VPS13D: variants seen among roughly 807,000 people sequenced by gnomAD.
VPS13D encodes intermembrane lipid transfer protein VPS13D.
VPS13D carries 187 observed loss-of-function variants against 461.9 expected under a neutral mutation model. The observed-to-expected ratio is 0.40, with a 90% CI of 0.36 to 0.46. The LOEUF is 0.46. VPS13D is among the 20% of genes least tolerant of loss of function. VPS13D has a pLI of 0.60. For missense variants in VPS13D, 4,711 were observed against 5,364.9 expected, an observed-to-expected ratio of 0.88 and a Z score of 3.81; for synonymous variants, 1,951 against 1,986.3, an observed-to-expected ratio of 0.98 and a Z score of 0.47.
At chr1:12,240,472 A>G (rs1453291851) in intron 2 of VPS13D, among the ~76,000 whole-genome samples, 1 of 151,670 alleles carries the variant, frequency 6.6e-6, no homozygotes, top group Non-Finnish European at 1.5e-5. Flanking sequence ...GCGGGCACCT[A>G]TAGTCCCAGC....
At chr1:12,352,664 C>T (rs1196118286) in intron 46 of VPS13D, among the ~76,000 whole-genome samples, 1 of 152,042 alleles carries the variant, frequency 6.6e-6, no homozygotes, top group Non-Finnish European at 1.5e-5. Flanking sequence ...GTGGCAATTT[C>T]TTATAAAAGT....
chr1:12,309,483 G>C (rs562690993), intron 27 of VPS13D, among the ~76,000 whole-genome samples: 2 of 151,028 alleles, frequency 1.3e-5, no homozygotes, highest in Non-Finnish European at 3.0e-5. Context: ...TTGGCATATG[G>C]ACATGGTGGC....
chr1:12,346,590 T>C lies in VPS13D; in HGVS notation c.9022-15T>C, dbSNP rs1398968452. 1 of 1,612,690 alleles carries C rather than the reference T, an allele frequency of 6.2e-7. No homozygotes were observed. Among genetic ancestry groups the C allele is most frequent in the Non-Finnish European group, 8.5e-7 (1 of 1,179,604 alleles). ...TTAAGTCTGTGCTGACTCTAACTTT[T>C]GAAATCTTTTTCAGATTGGCAGCCC... On this transcript the variant is annotated splice_polypyrimidine_tract_variant and intron_variant, in intron 43 of 69. Transcript: ENST00000620676.
At chr1:12,251,626 A>C (rs1024068653) in intron 6 of VPS13D, among the ~76,000 whole-genome samples, 1 of 152,096 alleles carries the variant, frequency 6.6e-6, no homozygotes, top group African/African-American at 2.4e-5. Context: ...GATCCCATAC[A>C]CTGGCTCATA....
chr1:12,468,587 A>G (rs1645522248), intron 67 of VPS13D, among the ~76,000 whole-genome samples: 1 of 152,232 alleles, frequency 6.6e-6, no homozygotes, highest in Non-Finnish European at 1.5e-5. Flanking sequence ...TGTGGGTGTT[A>G]TAATTCACCC....
rs201637450 is a variant in VPS13D, at chr1:12,385,291, G to A, written c.11402G>A (p.Arg3801His). 5.1e-5 allele frequency: 82 copies of A among 1,613,734 alleles called. No individual in the cohort carries two copies. The highest frequency in any genetic ancestry group is 6.3e-5 in the Non-Finnish European group (74 of 1,179,874). ...ITDFCHRKSS[R>H]SYEVDELPVT... Reference sequence around the variant, plus strand: ...GATTTCTGCCACCGGAAAAGCAGCCGTTCATATGAAGTGGATGAACTTCCT... The same window carrying A: ...GATTTCTGCCACCGGAAAAGCAGCCATTCATATGAAGTGGATGAACTTCCT... Residue 3801 changes from arginine to histidine, a missense_variant, in exon 59 of 70, where the codon CGT (arginine) becomes CAT (histidine). Around this residue, in one of 3 missense-constraint regions of VPS13D, gnomAD observed 4,411 missense variants for 4,937.8 expected, o/e 0.89. Coordinates refer to ENST00000620676, the MANE Select transcript of VPS13D (RefSeq NM_015378.4).
chr1:12,240,882 G>C (rs898807834), intron 2 of VPS13D, among the ~76,000 whole-genome samples: 3 of 151,852 alleles, frequency 2.0e-5, no homozygotes, highest in Admixed American at 2.0e-4. Context: ...CAAATAAATT[G>C]ATTGTATTTG....
intron 29 of VPS13D, 131 bp downstream of exon 29, chr1:12,312,056 G>A: frequency 1.8e-6 from 1 of 558,488 alleles, no homozygotes. Flanking sequence ...AGTGTCTTTT[G>A]GTTGATCTAC....
chr1:12,433,320 G>A (rs960105220), intron 65 of VPS13D, among the ~76,000 whole-genome samples: 10 of 151,972 alleles, frequency 6.6e-5, no homozygotes, highest in Admixed American at 3.3e-4. Context: ...TGGTGACTGA[G>A]TCCCAACCCT....
intron 65 of VPS13D, among the ~76,000 whole-genome samples, chr1:12,436,487 A>G (rs1645062316): frequency 6.6e-6 from 1 of 152,184 alleles, no homozygotes; most frequent in Admixed American, 6.5e-5. Flanking sequence ...TAGTGGGGAA[A>G]GACTGGCTCA....
Position 12,479,389 on chromosome 1 carries a change from C to G in VPS13D, c.12663-18111C>G, listed in dbSNP as rs150020064. ...TGTGTCTGTCACTTCCAGATTGCTG[C>G]TTGTCTGCAATGGACAATGCCTCTT... On this transcript the variant is annotated intron_variant, in intron 67 of 69. Coordinates refer to ENST00000620676, the MANE Select transcript of VPS13D (RefSeq NM_015378.4). Among the ~76,000 whole-genome samples the G allele has an allele frequency of 3.5e-3, 534 of 152,348 alleles. 2 individuals are homozygous for G. Among genetic ancestry groups the G allele is most frequent in the African/African-American group, 0.012 (519 of 41,584 alleles).
chr1:12,412,506 A>G (rs1055348656), intron 63 of VPS13D, among the ~76,000 whole-genome samples: 13 of 152,242 alleles, frequency 8.5e-5, no homozygotes, highest in African/African-American at 2.9e-4. Flanking sequence ...GTATAATACC[A>G]TCACGTGACT....
intron 63 of VPS13D, among the ~76,000 whole-genome samples, chr1:12,409,469 G>T (rs1644696170): frequency 6.6e-6 from 1 of 152,086 alleles, no homozygotes; most frequent in African/African-American, 2.4e-5. Flanking sequence ...ATAATAAAGA[G>T]ACTTTAATTC....
At position 12,338,238 on chromosome 1, in the gene VPS13D, C is replaced by G; in HGVS notation, c.8559C>G (p.Pro2853=). The change falls in exon 40 of 70, where the codon CCC becomes CCG. Residue 2853 remains proline (P), a synonymous_variant. Transcript: ENST00000620676. ...GTCTCTCCTGTCTACCAGGCCTCCC[C>G]CTTGTCTACCTTAGAACTAGGAGTA... ...VDPPCFGQSL[P]LVYLRTRSTA... 6.2e-7 allele frequency: 1 copy of G among 1,613,554 alleles called. No homozygotes were observed. The highest frequency in any genetic ancestry group is 8.5e-7 in the Non-Finnish European group (1 of 1,179,642).
At chr1:12,405,837 G>A (rs1444743003) in intron 63 of VPS13D, among the ~76,000 whole-genome samples, 1 of 152,126 alleles carries the variant, frequency 6.6e-6, no homozygotes, top group African/African-American at 2.4e-5. Context: ...AGGACTTCTT[G>A]TTTTTAAAAT....
intron 38 of VPS13D, among the ~76,000 whole-genome samples, chr1:12,334,544 C>T (rs903527583): frequency 6.6e-6 from 1 of 152,202 alleles, no homozygotes; most frequent in Non-Finnish European, 1.5e-5. Context: ...AGATGGGAAG[C>T]TCATTTGAGG....
At chr1:12,247,935 T>G (rs1569666356) in intron 5 of VPS13D, among the ~76,000 whole-genome samples, 1 of 150,468 alleles carries the variant, frequency 6.6e-6, no homozygotes, top group Non-Finnish European at 1.5e-5. Context: ...CAGGCTGGAG[T>G]GCAGTGCAGT....
chr1:12,373,406 C>T (rs1405228107), intron 54 of VPS13D, among the ~76,000 whole-genome samples: 1 of 151,846 alleles, frequency 6.6e-6, no homozygotes, highest in East Asian at 1.9e-4. Flanking sequence ...CAGGCAGGAG[C>T]CACCGTGCCT....
intron 30 of VPS13D, among the ~76,000 whole-genome samples, chr1:12,315,436 A>G (rs1184867064): frequency 6.6e-6 from 1 of 152,160 alleles, no homozygotes; most frequent in Non-Finnish European, 1.5e-5. Flanking sequence ...TGAACTTTAA[A>G]AGTTCAGGAG....
Sources: gnomAD v4.1 joint callset for allele counts (sites outside exome capture counted in the v4.1 genomes callset) on GRCh38, gnomAD v4.1.1 for gene constraint, gnomAD v4.1.1 regional missense constraint, MANE v1.5 for transcripts, NCBI Gene and HGNC (gene_info 2026-07-23, HGNC 2026-07-21) for gene names.